MARCHF5: variants seen among roughly 807,000 people sequenced by gnomAD.
The protein encoded by MARCHF5 is membrane associated ring-CH-type finger 5.
In MARCHF5, 5 loss-of-function variants were observed where a neutral mutation model predicts 36.5. The ratio of observed to expected loss-of-function variants is 0.14; its 90% CI spans 0.07 to 0.29. The LOEUF (loss-of-function observed/expected upper bound fraction) is 0.29, where lower values mean the gene tolerates loss of function less well. Ranked by LOEUF, MARCHF5 falls within the 10% of genes least tolerant of loss-of-function variation. The probability of loss-of-function intolerance (pLI) is 1.00; values close to 1 mark genes in which losing one functional copy is unlikely to be tolerated. For synonymous variants in MARCHF5, 103 were observed against 109.9 expected (o/e 0.94, Z 0.39); for missense variants, 179 against 336.3 (o/e 0.53, Z 3.66).
chr10:92,340,865 G>A (rs754087001), intron 3 of MARCHF5, 62 bp downstream of exon 3: 17 of 1,329,272 alleles, frequency 1.3e-5, no homozygotes, highest in Non-Finnish European at 1.7e-5. Flanking sequence ...AACATTTTTT[G>A]TTAGACATTT....
At chr10:92,328,570 G>T (rs1270960131) in intron 2 of MARCHF5, among the ~76,000 whole-genome samples, 2 of 151,272 alleles carry the variant, frequency 1.3e-5, no homozygotes, top group Admixed American at 6.6e-5. Flanking sequence ...TTCTTGAAAA[G>T]TCTTGGCTTT....
intron 2 of MARCHF5, among the ~76,000 whole-genome samples, chr10:92,325,251 G>A (rs1843341813): frequency 6.6e-6 from 1 of 152,190 alleles, no homozygotes; most frequent in South Asian, 2.1e-4. Context: ...GCTGAAGCAG[G>A]AGGATTGCCT....
In MARCHF5 at chr10:92,340,736, C is replaced by G; in HGVS notation, c.302C>G (p.Ala101Gly). Residue 101 changes from alanine to glycine, a missense_variant, in exon 3 of 6, where the codon GCA becomes GGA. Transcript: ENST00000358935. ...ATCTCAAAAGCCTGTCCATTTGCTG[C>G]AGCAGGAATAATGGTCGGCTCTATC... is the stretch of plus-strand genomic sequence containing the variant. ...RLISKACPFA[A>G]AGIMVGSIYW... 5.0e-6 allele frequency: 8 copies of G among 1,613,734 alleles called. No individual in the cohort carries two copies. Among genetic ancestry groups the G allele is most frequent in the Non-Finnish European group, 6.8e-6 (8 of 1,179,782 alleles).
chr10:92,301,864 G>T (rs1194386305), intron 1 of MARCHF5, among the ~76,000 whole-genome samples: 1 of 152,148 alleles, frequency 6.6e-6, no homozygotes, highest in Non-Finnish European at 1.5e-5. Flanking sequence ...TTTGAGACCA[G>T]CCTGGCCAAC....
At chr10:92,332,905 C>A (rs1030236826) in intron 2 of MARCHF5, among the ~76,000 whole-genome samples, 4 of 151,964 alleles carry the variant, frequency 2.6e-5, no homozygotes, top group African/African-American at 9.7e-5. Context: ...TGGCTCACGC[C>A]TGTAATCCCA....
At chr10:92,295,310 CTTTT>C (rs1842935026) in intron 1 of MARCHF5, among the ~76,000 whole-genome samples, 5 of 26,224 alleles carry the variant, frequency 1.9e-4, no homozygotes, top group Admixed American at 5.5e-4. Flanking sequence ...CTAGAGGCAA[CTTTT>C]CTTTTTTTTT....
chr10:92,347,463 CAGATAGATAGATAGATAGATAGAT>C (rs71025396), intron 3 of MARCHF5, among the ~76,000 whole-genome samples: 2 of 82,494 alleles, frequency 2.4e-5, no homozygotes, highest in African/African-American at 8.6e-5. Context: ...AACTCCGTCT[CAGATAGATAGATAGATAGATAGAT>C]AGATAGATAG....
intron 2 of MARCHF5, among the ~76,000 whole-genome samples, chr10:92,331,868 TTTATATATAATCATATATATG>T (rs1488291573): frequency 1.4e-5 from 2 of 145,618 alleles, no homozygotes; most frequent in Non-Finnish European, 3.0e-5. Context: ...TATATATGTT[TTTATATATAATCATATATATG>T]TATATATAAT....
Position 92,349,517 on chromosome 10 carries a change from A to G in MARCHF5, c.538A>G (p.Asn180Asp). The part of the protein sequence containing the change: ...RKYSNKLQIL[N>D]SIFPGIGCPV... ...ATACTCGAATAAACTACAAATTTTA[A>G]ATAGTATATTTCCAGGTAAGGCACT... is the stretch of plus-strand genomic sequence containing the variant. The change falls in exon 4 of 6, where the codon AAT (asparagine) becomes GAT (aspartate). Residue 180 changes from asparagine (N) to aspartate (D), a missense_variant. This residue lies in a region of MARCHF5 where 95 missense variants were observed against 139.5 expected (regional missense o/e 0.68). Coordinates refer to ENST00000358935, the MANE Select transcript of MARCHF5 (RefSeq NM_017824.5). The G allele has an allele frequency of 6.2e-7, 1 of 1,613,560 alleles. No individual in the cohort carries two copies. Among genetic ancestry groups the G allele is most frequent in the Non-Finnish European group, 8.5e-7 (1 of 1,179,832 alleles).
At chr10:92,340,545 C>T in intron 2 of MARCHF5, 128 bp from the exon 3 acceptor site, 1 of 839,954 alleles carries the variant, frequency 1.2e-6, no homozygotes, top group Non-Finnish European at 1.8e-6. Flanking sequence ...GCACTATAAT[C>T]TGGATGACAA....
chr10:92,302,145 C>G (rs1037863831), intron 1 of MARCHF5, among the ~76,000 whole-genome samples: 2 of 152,078 alleles, frequency 1.3e-5, no homozygotes, highest in Non-Finnish European at 2.9e-5. Flanking sequence ...GGAAAAGTCC[C>G]TCCATGTTCA....
intron 2 of MARCHF5, among the ~76,000 whole-genome samples, chr10:92,311,966 G>A (rs1049187301): frequency 1.3e-5 from 2 of 152,132 alleles, no homozygotes; most frequent in African/African-American, 4.8e-5. Context: ...TATAACTAAG[G>A]CTGATATTTA....
chr10:92,314,755 C>T (rs796528339), intron 2 of MARCHF5, among the ~76,000 whole-genome samples: 5 of 135,100 alleles, frequency 3.7e-5, no homozygotes, highest in East Asian at 4.8e-4. Flanking sequence ...CCCGCCCCCC[C>T]CCGCCAATAG....
chr10:92,333,162 CCAAAAGAAAAAAAA>C (rs1253282315), intron 2 of MARCHF5, among the ~76,000 whole-genome samples: 21 of 43,548 alleles, frequency 4.8e-4, no homozygotes, highest in Admixed American at 3.1e-4. Context: ...CTCCGTCTTG[CCAAAAGAAAAAAAA>C]AAAAAGAAAA....
rs183467306 is a variant in MARCHF5, at chr10:92,291,657, G to A, written c.35+128G>A. On this transcript the variant is annotated intron_variant, in intron 1 of 5. Coordinates refer to ENST00000358935, the MANE Select transcript of MARCHF5 (RefSeq NM_017824.5). ...AGGAGTTCCACGGCCAGGGGGCCGT[G>A]AGAGGGGCAAAAAGTTTGGAGTCTA... 205 of 1,369,140 alleles carry A rather than the reference G, an allele frequency of 1.5e-4. 2 individuals carry two copies. The East Asian group carries it at 4.2e-3, about 28-fold the overall frequency. The allele number at this position is 1,369,140 out of a possible 1,614,324, so 84.8% of individuals were successfully genotyped here.
At chr10:92,291,947 C>T (rs79853919) in intron 1 of MARCHF5, among the ~76,000 whole-genome samples, 2 of 152,066 alleles carry the variant, frequency 1.3e-5, no homozygotes, top group African/African-American at 4.8e-5. Flanking sequence ...GTCTGAGAAC[C>T]AATGATAAGC....
chr10:92,291,218 T>G lies in MARCHF5; in HGVS notation c.-277T>G, dbSNP rs1842850932. The G allele has an allele frequency of 1.9e-6, 1 of 528,522 alleles. No individual in the cohort carries two copies. The highest frequency in any genetic ancestry group is 3.3e-6 in the Non-Finnish European group (1 of 302,410). 32.7% of individuals were successfully genotyped at this position (528,522 alleles called of 1,614,324 possible). On this transcript the variant is annotated 5_prime_UTR_variant, in exon 1 of 6. It removes an upstream start codon present in the reference 5' UTR. Coordinates refer to ENST00000358935, the MANE Select transcript of MARCHF5 (RefSeq NM_017824.5). The stretch of plus-strand genomic sequence containing the variant: ...GCAGCAACTCGGCGCCCGCGGTCCA[T>G]GGACCGGAACCTCGGGCCGACGGAC...
intron 1 of MARCHF5, among the ~76,000 whole-genome samples, chr10:92,300,140 A>G (rs1288784676): frequency 6.7e-6 from 1 of 148,644 alleles, no homozygotes; most frequent in Admixed American, 6.8e-5. Context: ...CAGCCTGGGT[A>G]TAACAAAGCA....
chr10:92,352,801 A>C lies in MARCHF5; in HGVS notation c.*1594A>C, dbSNP rs976913260. On this transcript the variant is annotated 3_prime_UTR_variant, in exon 6 of 6. Transcript: ENST00000358935. ...ATTATTTGGAGATGAAGATTTGACT[A>C]ACAGTGAGCCTTATTAAGAACACTA... 6.6e-6 allele frequency: 1 copy of C among 152,642 alleles called. No individual in the cohort carries two copies. Among genetic ancestry groups the C allele is most frequent in the Non-Finnish European group, 1.5e-5 (1 of 68,046 alleles). 9.5% of individuals were successfully genotyped at this position (152,642 alleles called of 1,614,324 possible).
Sources: allele counts gnomAD v4.1 joint callset (sites outside exome capture counted in the v4.1 genomes callset), GRCh38; gene constraint gnomAD v4.1.1; regional missense constraint gnomAD v4.1.1; transcripts MANE v1.5; gene names NCBI Gene and HGNC (gene_info 2026-07-23, HGNC 2026-07-21).